TVP23C: variants seen among roughly 807,000 people sequenced by gnomAD.
The protein encoded by TVP23C is Golgi apparatus membrane protein TVP23 homolog C.
In TVP23C, 19 loss-of-function variants were observed where a neutral mutation model predicts 28.7. The observed-to-expected ratio is 0.66, with a 90% confidence interval of 0.46 to 0.97. TVP23C has a LOEUF of 0.97. TVP23C is among the 50% of genes least tolerant of loss of function. TVP23C has a pLI of 0.00. For missense variants in TVP23C, 186 were observed against 241.3 expected, an observed-to-expected ratio of 0.77 and a Z score of 1.52; for synonymous variants, 68 against 81.7, an observed-to-expected ratio of 0.83 and a Z score of 0.90.
intron 5 of TVP23C, among the ~76,000 whole-genome samples, chr17:15,509,023 A>C (rs1267765040): frequency 6.6e-6 from 1 of 152,272 alleles, no homozygotes; most frequent in African/African-American, 2.4e-5. Flanking sequence ...ATGAAGGCAC[A>C]GTAATAGCTG....
At chr17:15,536,165 G>A (rs1983147041), downstream of TVP23C, among the ~76,000 whole-genome samples, 1 of 152,112 alleles carries the variant, frequency 6.6e-6, no homozygotes, top group Non-Finnish European at 1.5e-5. Flanking sequence ...ACTCCAGCCT[G>A]GGTGACAAGA....
chr17:15,506,032 A>G (rs1000471990), intron 5 of TVP23C, among the ~76,000 whole-genome samples: 11 of 152,320 alleles, frequency 7.2e-5, no homozygotes, highest in South Asian at 2.1e-4. Context: ...CCTGCTCCAC[A>G]GCGCCCAGTT....
intron 5 of TVP23C, among the ~76,000 whole-genome samples, chr17:15,531,836 T>G (rs1474128948): frequency 6.6e-6 from 1 of 152,238 alleles, no homozygotes; most frequent in Admixed American, 6.5e-5. Flanking sequence ...TTTGTTGTTG[T>G]TGAAAACTGG....
At chr17:15,548,371 G>C (rs767907670) in intron 3 of TVP23C, among the ~76,000 whole-genome samples, 6 of 152,082 alleles carry the variant, frequency 3.9e-5, no homozygotes, top group Non-Finnish European at 8.8e-5. Context: ...TCTCCATGTC[G>C]GTCAGGTTGG....
intron 5 of TVP23C, among the ~76,000 whole-genome samples, chr17:15,521,688 T>C (rs1982487453): frequency 1.3e-5 from 2 of 152,222 alleles, no homozygotes; most frequent in Admixed American, 6.5e-5. Flanking sequence ...ATTTCAGTAA[T>C]TGGTTAGCCA....
At chr17:15,518,743 G>T (rs1300348700) in intron 5 of TVP23C, among the ~76,000 whole-genome samples, 2 of 152,190 alleles carry the variant, frequency 1.3e-5, no homozygotes, top group Non-Finnish European at 2.9e-5. Flanking sequence ...TGGTTGACTA[G>T]TGATGTCTGC....
chr17:15,515,121 C>T lies in TVP23C; in HGVS notation c.463-11889G>A, dbSNP rs1027011001. ...TGCCCATACCCACAGTGGGCATGGC[C>T]CTGAGTCGATGACTGACAGATGTGA... On this transcript the variant is annotated intron_variant, in intron 5 of 5. Transcript: ENST00000225576. 5.9e-5 allele frequency among the ~76,000 whole-genome samples: 9 copies of T among 152,102 alleles called. No individual in the cohort carries two copies. The East Asian group carries it at 1.5e-3, about 26-fold the overall frequency.
At chr17:15,524,966 C>T (rs1982658905) in intron 5 of TVP23C, among the ~76,000 whole-genome samples, 1 of 152,222 alleles carries the variant, frequency 6.6e-6, no homozygotes, top group Non-Finnish European at 1.5e-5. Flanking sequence ...CCATCAGTTG[C>T]TTCATCTTCT....
chr17:15,545,760 T>G (rs907035645), intron 5 of TVP23C, 25 bp downstream of exon 5: 2 of 1,597,598 alleles, frequency 1.3e-6, no homozygotes, highest in Non-Finnish European at 1.7e-6. Flanking sequence ...AATGGATTAT[T>G]TGAAAGTTCT....
At chr17:15,524,712 T>A (rs201352861) in intron 5 of TVP23C, among the ~76,000 whole-genome samples, 39,410 of 151,872 alleles carry the variant, frequency 0.26, 5,821 homozygotes, top group African/African-American at 0.41. Flanking sequence ...CCCAGAGGGA[T>A]GCACACAGTG....
chr17:15,503,099 T>C (rs1240224221), exon 6 of TVP23C: 1 of 1,613,970 alleles, frequency 6.2e-7, no homozygotes, highest in East Asian at 2.2e-5. Context: ...AATGTCTACC[T>C]GATGAAACTT....
intron 5 of TVP23C, among the ~76,000 whole-genome samples, chr17:15,512,649 G>A (rs148787227): frequency 1.3e-5 from 2 of 152,104 alleles, no homozygotes; most frequent in Non-Finnish European, 2.9e-5. Context: ...CTGGCTTCAC[G>A]AACATCATAT....
intron 3 of TVP23C, among the ~76,000 whole-genome samples, chr17:15,551,228 A>G (rs1983871567): frequency 6.7e-6 from 1 of 148,284 alleles, no homozygotes; most frequent in Admixed American, 6.7e-5. Flanking sequence ...CCTCCTGAAT[A>G]GCTGGGACTA....
chr17:15,508,552 C>T (rs753605439), intron 5 of TVP23C, among the ~76,000 whole-genome samples: 4 of 152,192 alleles, frequency 2.6e-5, no homozygotes, highest in Non-Finnish European at 5.9e-5. Context: ...AACTTCCAGT[C>T]GCTCTTCCCT....
chr17:15,545,302 C>T (rs1311257541), intron 5 of TVP23C, among the ~76,000 whole-genome samples: 2 of 152,192 alleles, frequency 1.3e-5, no homozygotes, highest in Non-Finnish European at 2.9e-5. Context: ...CAAACCAAGG[C>T]ACATGGAAAA....
chr17:15,518,147 G>C (rs1438803242), intron 5 of TVP23C, among the ~76,000 whole-genome samples: 1 of 129,402 alleles, frequency 7.7e-6, no homozygotes, highest in African/African-American at 2.9e-5. Context: ...CAGCCTAGGT[G>C]ACAGATCAAG....
chr17:15,548,794 T>C (rs1307102489), intron 3 of TVP23C, among the ~76,000 whole-genome samples: 1 of 152,248 alleles, frequency 6.6e-6, no homozygotes. Context: ...CCAAACCTTA[T>C]ATATGCTATA....
intron 5 of TVP23C, among the ~76,000 whole-genome samples, chr17:15,523,040 C>T (rs995790128): frequency 2.2e-4 from 33 of 152,012 alleles, no homozygotes; most frequent in African/African-American, 7.2e-4. Flanking sequence ...GACGTAGTCT[C>T]GCTCTGTCGC....
At chr17:15,511,472 C>T (rs1017700494) in intron 5 of TVP23C, among the ~76,000 whole-genome samples, 2 of 152,140 alleles carry the variant, frequency 1.3e-5, no homozygotes, top group Non-Finnish European at 2.9e-5. Flanking sequence ...TTCTAGGAAT[C>T]CAAACAACTG....
Sources: allele counts gnomAD v4.1 joint callset (sites outside exome capture counted in the v4.1 genomes callset), GRCh38; gene constraint gnomAD v4.1.1; transcripts MANE v1.5; gene names NCBI Gene and HGNC (gene_info 2026-07-23, HGNC 2026-07-21).